Variants in JAG2 observed in about 807,000 individuals in gnomAD.
The protein encoded by JAG2 is protein jagged-2.
JAG2 carries 46 observed loss-of-function variants against 141.7 expected under a neutral mutation model. That is an observed-to-expected ratio of 0.32 (90% CI 0.26 to 0.42). JAG2 has a LOEUF of 0.42. JAG2 is among the 10% of genes least tolerant of loss of function. The pLI is 1.00. For synonymous variants in JAG2, 862 were observed against 763.5 expected (o/e 1.13, Z -2.13); for missense variants, 1,500 against 1,817.5 (o/e 0.83, Z 3.18).
chr14:105,167,745 G>C lies in JAG2; in HGVS notation c.417+12C>G, dbSNP rs756522628. The C allele has an allele frequency of 2.5e-5, 36 of 1,450,804 alleles. 1 individual carries two copies. The South Asian group carries it at 4.2e-4, about 17-fold the overall frequency. The allele number at this position is 1,450,804 out of a possible 1,614,324, so 89.9% of individuals were successfully genotyped here. The stretch of plus-strand genomic sequence containing the variant: ...GGGAAGGGCTGGAGCACGAGGGATG[G>C]AGCGCACGTACCGGCCAGGCGAACT... On this transcript the variant is annotated intron_variant, in intron 2 of 25. Coordinates refer to ENST00000331782, the MANE Select transcript of JAG2 (RefSeq NM_002226.5). The surrounding 1 kb of genome is among the most constrained non-coding windows in gnomAD (Gnocchi z 4.8).
At chr14:105,148,091 C>T (rs1364634477) in intron 17 of JAG2, 25 bp downstream of exon 17, 5 of 1,526,096 alleles carry the variant, frequency 3.3e-6, no homozygotes, top group South Asian at 2.4e-5. Context: ...GCCCGGCGGT[C>T]GCAGAGGCAG....
chr14:105,146,720 G>T lies in JAG2; in HGVS notation c.2484C>A (p.Ile828=), dbSNP rs760581800. The T allele has an allele frequency of 4.3e-5, 69 of 1,611,384 alleles. No homozygotes were observed. The highest frequency in any genetic ancestry group is 1.6e-4 in the Middle Eastern group (1 of 6,078). Residue 828 remains isoleucine (I), a synonymous_variant, in exon 21 of 26, where the codon ATC becomes ATA. Coordinates refer to ENST00000331782, the MANE Select transcript of JAG2 (RefSeq NM_002226.5). ...CACAGGGCGAGGACTGGCACTCGTCGATGTCTGCAGGGAGAGCCACCGCTG... is the reference window on the plus strand; with the variant it reads ...CACAGGGCGAGGACTGGCACTCGTCTATGTCTGCAGGGAGAGCCACCGCTG... ...GFAGPDCRIN[I]DECQSSPCAY...
In JAG2 at chr14:105,142,613, C is replaced by A; in HGVS notation, c.*82G>T. 1.0e-6 allele frequency: 1 copy of A among 994,488 alleles called. No individual in the cohort carries two copies. The highest frequency in any genetic ancestry group is 1.5e-6 in the Non-Finnish European group (1 of 671,556). The allele number at this position is 994,488 out of a possible 1,614,324, so 61.6% of individuals were successfully genotyped here. The stretch of plus-strand genomic sequence containing the variant: ...TTTTACACAAAATAAAGAAACTATG[C>A]ACATGGCCTCGGCCTCCGGGTCCGG... On this transcript the variant is annotated 3_prime_UTR_variant, in exon 26 of 26. Coordinates refer to ENST00000331782, the MANE Select transcript of JAG2 (RefSeq NM_002226.5).
chr14:105,143,402 C>A, intron 25 of JAG2, 80 bp downstream of exon 25: 1 of 1,484,598 alleles, frequency 6.7e-7, no homozygotes, highest in Non-Finnish European at 9.1e-7. Context: ...CTGGCAGGAT[C>A]GGCAGGATCG....
At position 105,149,274 on chromosome 14, in the gene JAG2, C is replaced by T. The variant is rs368871084; in HGVS notation, c.1649G>A (p.Arg550His). 4.2e-5 allele frequency: 67 copies of T among 1,612,592 alleles called. No homozygotes were observed. Among genetic ancestry groups the T allele is most frequent in the African/African-American group, 1.2e-4 (9 of 74,936 alleles). Residue 550 changes from arginine to histidine, a missense_variant, in exon 13 of 26, where the codon CGC (arginine) becomes CAC (histidine). Coordinates refer to ENST00000331782, the MANE Select transcript of JAG2 (RefSeq NM_002226.5). ...ATAGTCACCCTCCAGGTTATAGCAG[C>T]GAGCGCCGTTCCGGCAGGGGCTTGG... ...CEPSPCRNGA[R>H]CYNLEGDYYC... is the part of the protein sequence containing the mutation.
chr14:105,150,176 C>A (rs968509247), intron 12 of JAG2, among the ~76,000 whole-genome samples: 37 of 151,222 alleles, frequency 2.4e-4, no homozygotes, highest in Non-Finnish European at 2.4e-4. Context: ...CAGAGGGAGG[C>A]GAGAGCATCA....
At chr14:105,156,920 C>T (rs1251504505) in intron 3 of JAG2, among the ~76,000 whole-genome samples, 6 of 152,092 alleles carry the variant, frequency 3.9e-5, no homozygotes, top group Non-Finnish European at 5.9e-5. Context: ...GCACCCCCAC[C>T]GCCGTCCCTG....
intron 2 of JAG2, among the ~76,000 whole-genome samples, chr14:105,164,194 ATCCTCCCTGGCCAAGGGCAG>A (rs1159553804): frequency 1.3e-5 from 2 of 151,636 alleles, no homozygotes; most frequent in African/African-American, 4.9e-5. Flanking sequence ...CCACTCTCCA[ATCCTCCCTGGCCAAGGGCAG>A]TCCTCCCTGG....
In JAG2 at chr14:105,150,723, A is replaced by G; in HGVS notation, c.1483T>C (p.Cys495Arg). The change falls in exon 12 of 26, where the codon TGC (cysteine) becomes CGC (arginine). Residue 495 changes from cysteine (C) to arginine (R), a missense_variant. By Grantham distance (180) the Cys-to-Arg change is radical. Transcript: ENST00000331782. ...VCPRGFGGRHCELERDECASS... is the reference protein window; with the variant it reads ...VCPRGFGGRHRELERDECASS... ...GCACACTCGTCTCGTTCCAGCTCGC[A>G]ATGCCGGCCTCCGAAGCCCCGTGGG... is the stretch of plus-strand genomic sequence containing the variant. 6.4e-7 allele frequency: 1 copy of G among 1,574,370 alleles called. No individual in the cohort carries two copies. Among genetic ancestry groups the G allele is most frequent in the Non-Finnish European group, 8.6e-7 (1 of 1,160,500 alleles).
At chr14:105,152,890 AC>A (rs1888478753) in intron 5 of JAG2, among the ~76,000 whole-genome samples, 1 of 151,712 alleles carries the variant, frequency 6.6e-6, no homozygotes, top group Admixed American at 6.6e-5. Flanking sequence ...CTCCAGCTGC[AC>A]CCCCAGCTGC....
At chr14:105,152,798 C>T (rs973432930) in intron 5 of JAG2, among the ~76,000 whole-genome samples, 2 of 152,154 alleles carry the variant, frequency 1.3e-5, no homozygotes, top group African/African-American at 4.8e-5. Flanking sequence ...CCACAAGGTA[C>T]CCATCTCACA....
rs1888953812 is a variant in JAG2, at chr14:105,167,496, G to A, written c.417+261C>T. On this transcript the variant is annotated intron_variant, in intron 2 of 25. Transcript: ENST00000331782. The surrounding 1 kb of genome is among the most constrained non-coding windows in gnomAD (Gnocchi z 4.8). ...GCGCAGGGCGACGCAGGCACACGCC[G>A]CACACCGCCGCGCACGCGGGACGCC... Among the ~76,000 whole-genome samples, 1 of 150,114 alleles carries A rather than the reference G, an allele frequency of 6.7e-6. No individual in the cohort carries two copies. Among genetic ancestry groups the A allele is most frequent in the South Asian group, 2.1e-4 (1 of 4,808 alleles).
intron 9 of JAG2, 35 bp from the exon 10 acceptor site, chr14:105,151,139 G>C (rs779213958): frequency 1.9e-6 from 3 of 1,574,248 alleles, no homozygotes; most frequent in Non-Finnish European, 2.6e-6. Context: ...CGTGGGGCTC[G>C]GGCCCTGCCT....
At chr14:105,151,583 C>A (rs903968364) in intron 8 of JAG2, 43 bp downstream of exon 8, 3 of 1,508,754 alleles carry the variant, frequency 2.0e-6, no homozygotes, top group African/African-American at 2.7e-5. Context: ...CAGACCCCCA[C>A]TGATACTAGG....
Position 105,153,457 on chromosome 14 carries a change from G to A in JAG2, c.789-1166C>T, listed in dbSNP as rs587661625. ...CATCGGCCAGAGAGCGGCCACAGCC[G>A]GGCTCAGAGCCCAGACCTCGTGGGT... On this transcript the variant is annotated intron_variant, in intron 5 of 25. Transcript: ENST00000331782. Among the ~76,000 whole-genome samples the A allele has an allele frequency of 1.8e-4, 27 of 152,308 alleles. No homozygotes were observed. In the South Asian group the frequency reaches 5.0e-3, roughly 28 times the overall value.
In JAG2 at chr14:105,156,093, C is replaced by T. The variant is rs1376289413; in HGVS notation, c.476-104G>A. 2.5e-5 allele frequency: 36 copies of T among 1,428,588 alleles called. 1 individual carries two copies. The highest frequency in any genetic ancestry group is 1.3e-4 in the South Asian group (10 of 77,016). 88.5% of individuals were successfully genotyped at this position (1,428,588 alleles called of 1,614,324 possible). ...CAGAAGCCTGCGGCTGCTGCAAGGC[C>T]GGGGCACAGCAGGCAGCAGCACACG... On this transcript the variant is annotated intron_variant, in intron 3 of 25. Transcript: ENST00000331782.
In JAG2 at chr14:105,149,108, T is replaced by C. The variant is rs1229848450; in HGVS notation, c.1754-19A>G. The C allele has an allele frequency of 6.2e-7, 1 of 1,602,268 alleles. No individual in the cohort carries two copies. Among genetic ancestry groups the C allele is most frequent in the South Asian group, 1.1e-5 (1 of 89,984 alleles). ...TCGATCACTATGGCAGGCAGTACAG[T>C]CAGGAGTCAGGCCCGCCCCTGCCCC... On this transcript the variant is annotated intron_variant, in intron 13 of 25. Coordinates refer to ENST00000331782, the MANE Select transcript of JAG2 (RefSeq NM_002226.5).
chr14:105,159,492 G>A (rs1225362663), intron 2 of JAG2, among the ~76,000 whole-genome samples: 3 of 151,954 alleles, frequency 2.0e-5, no homozygotes, highest in Admixed American at 6.5e-5. Flanking sequence ...ACCAGGGCCC[G>A]CAAACCTCTG....
At chr14:105,152,327 C>T (rs766402216) in intron 5 of JAG2, 36 bp from the exon 6 acceptor site, 3 of 1,605,654 alleles carry the variant, frequency 1.9e-6, no homozygotes, top group African/African-American at 2.7e-5. Context: ...ACCCAGTGAG[C>T]TGTGGTGCCT....
Sources: gnomAD v4.1 joint callset for allele counts (sites outside exome capture counted in the v4.1 genomes callset) on GRCh38, gnomAD v4.1.1 for gene constraint, Gnocchi (gnomAD v3.1) non-coding constraint, MANE v1.5 for transcripts, NCBI Gene and HGNC (gene_info 2026-07-23, HGNC 2026-07-21) for gene names.